The following IZUMO1R variants were observed in gnomAD, a reference collection of about 807,000 sequenced individuals.
IZUMO1R encodes the protein sperm-egg fusion protein Juno.
A neutral mutation model predicts 22.1 loss-of-function variants in IZUMO1R; 24 were observed. That is an observed-to-expected ratio of 1.09 (90% CI 0.79 to 1.53). IZUMO1R has a LOEUF of 1.53. Ranked by LOEUF, IZUMO1R falls within the 40% of genes most tolerant of loss-of-function variation. The pLI is 0.00. For missense variants in IZUMO1R, 308 were observed against 314.9 expected, an observed-to-expected ratio of 0.98 and a Z score of 0.17; for synonymous variants, 133 against 121.2, an observed-to-expected ratio of 1.10 and a Z score of -0.64.
rs1001415843 is a variant in IZUMO1R, at chr11:94,305,841, C to T, written c.138+67C>T. ...GAAGGGACACAAATGCCAAGATGGT[C>T]TCCGAACCTCATCAACCCTGATCAT... On this transcript the variant is annotated intron_variant, in intron 2 of 4. Coordinates refer to ENST00000687084, the MANE Select transcript of IZUMO1R (RefSeq NM_001199206.4). 7.7e-6 allele frequency: 12 copies of T among 1,552,372 alleles called. No individual in the cohort carries two copies. In the African/African-American group the frequency reaches 1.1e-4, roughly 14 times the overall value.
chr11:94,305,236 G>A (rs1254435426), intron 1 of IZUMO1R, among the ~76,000 whole-genome samples: 1 of 152,110 alleles, frequency 6.6e-6, no homozygotes, highest in Non-Finnish European at 1.5e-5. Context: ...GGGCCCCTCT[G>A]CCTTTTGCTT....
intron 2 of IZUMO1R, 104 bp from the exon 3 acceptor site, chr11:94,306,409 C>T (rs1944019290): frequency 9.3e-7 from 1 of 1,076,628 alleles, no homozygotes; most frequent in Non-Finnish European, 1.4e-6. Context: ...CCCACTTGCT[C>T]AGGCCTCCTA....
chr11:94,307,457 T>C lies in IZUMO1R; in HGVS notation c.518T>C (p.Leu173Pro). The C allele has an allele frequency of 1.2e-6, 2 of 1,613,912 alleles. No individual in the cohort carries two copies. Among genetic ancestry groups the C allele is most frequent in the Non-Finnish European group, 1.7e-6 (2 of 1,179,882 alleles). Residue 173 changes from leucine (L) to proline (P), a missense_variant, in exon 5 of 5, where the codon CTC becomes CCC. By Grantham distance (98) the Leu-to-Pro change is moderately conservative (BLOSUM62 -3). Coordinates refer to ENST00000687084, the MANE Select transcript of IZUMO1R (RefSeq NM_001199206.4). The stretch of plus-strand genomic sequence containing the variant: ...CGCTGCCCCAAAGGGGCCCAGTGCC[T>C]CCCTTTCTCCCATTACTTCCCCACC... ...KNRCPKGAQCLPFSHYFPTPA... is the reference protein window; with the variant it reads ...KNRCPKGAQCPPFSHYFPTPA...
intron 2 of IZUMO1R, among the ~76,000 whole-genome samples, 152 bp from the exon 3 acceptor site, chr11:94,306,361 G>C (rs1262425783): frequency 1.3e-5 from 2 of 152,244 alleles, no homozygotes; most frequent in South Asian, 4.1e-4. Flanking sequence ...GAGATTATCA[G>C]GGTTCCTCTT....
chr11:94,307,690 T>C lies in IZUMO1R; in HGVS notation c.751T>C (p.Ter251ArgextTer31). ...VCSLFLPFLS* is the reference protein window; with the variant it reads ...VCSLFLPFLSR Reference sequence around the variant, plus strand: ...CTCCCTGTTCCTGCCGTTCCTTTCCTGAGAGCCCTTCTTCTCCCACTCACA... The same window carrying C: ...CTCCCTGTTCCTGCCGTTCCTTTCCCGAGAGCCCTTCTTCTCCCACTCACA... The change falls in exon 5 of 5, where the codon TGA (stop) becomes CGA (arginine). Residue 251 changes from the stop codon to arginine (R), a stop_lost. Coordinates refer to ENST00000687084, the MANE Select transcript of IZUMO1R (RefSeq NM_001199206.4). The C allele has an allele frequency of 1.2e-6, 2 of 1,611,216 alleles. No individual in the cohort carries two copies. Among genetic ancestry groups the C allele is most frequent in the Non-Finnish European group, 1.7e-6 (2 of 1,177,674 alleles).
chr11:94,305,678 C>A lies in IZUMO1R; in HGVS notation c.42C>A (p.Val14=), dbSNP rs1944009605. The A allele has an allele frequency of 6.2e-7, 1 of 1,613,328 alleles. No homozygotes were observed. The highest frequency in any genetic ancestry group is 1.1e-5 in the South Asian group (1 of 90,970). ...CGCTCCTGCTAGAGCTGTGGACAGT[C>A]ATGCCCACCTGGGCTGGGGACGAGC... is the stretch of plus-strand genomic sequence containing the variant. ...WWPLLLELWT[V]MPTWAGDELL... The change falls in exon 2 of 5, where the codon GTC becomes GTA. Residue 14 remains valine, a synonymous_variant. Transcript: ENST00000687084.
intron 1 of IZUMO1R, 154 bp from the exon 2 acceptor site, chr11:94,305,477 T>C (rs1944005280): frequency 1.2e-6 from 1 of 834,112 alleles, no homozygotes; most frequent in South Asian, 1.7e-5. Context: ...CATTCTGTGA[T>C]GCTGCCTCCA....
chr11:94,308,116 G>A lies in IZUMO1R; in HGVS notation c.*424G>A, dbSNP rs561837366. On this transcript the variant is annotated 3_prime_UTR_variant, in exon 5 of 5. Transcript: ENST00000687084. Reference sequence around the variant, plus strand: ...CAGACCTGGCCTCCCATCCTCCGACGGTGTCTTCAATAAATCGGCACTCAA... The same window carrying A: ...CAGACCTGGCCTCCCATCCTCCGACAGTGTCTTCAATAAATCGGCACTCAA... Among the ~76,000 whole-genome samples, 2 of 151,870 alleles carry A rather than the reference G, an allele frequency of 1.3e-5. No homozygotes were observed. The highest frequency in any genetic ancestry group is 2.0e-4 in the East Asian group (1 of 5,040).
In IZUMO1R at chr11:94,307,617, C is replaced by T. The variant is rs367878279; in HGVS notation, c.678C>T (p.Phe226=). The T allele has an allele frequency of 1.9e-5, 30 of 1,613,766 alleles. No homozygotes were observed. The highest frequency in any genetic ancestry group is 9.9e-5 in the South Asian group (9 of 91,094). ...GNPNVAVARL[F]ASSAPSWELS... ...CCAATGTGGCCGTGGCCCGCCTCTT[C>T]GCCAGCTCTGCCCCATCCTGGGAAC... Residue 226 remains phenylalanine (F), a synonymous_variant, in exon 5 of 5, where the codon TTC becomes TTT. Transcript: ENST00000687084.
At position 94,304,581 on chromosome 11, in the gene IZUMO1R, C is replaced by T. The variant is rs1943996217; in HGVS notation, c.-305C>T. 6.6e-6 allele frequency among the ~76,000 whole-genome samples: 1 copy of T among 152,142 alleles called. No individual in the cohort carries two copies. The highest frequency in any genetic ancestry group is 1.5e-5 in the Non-Finnish European group (1 of 68,032). ...AGAATTTGAGTCATTTTCTCCAGGGCAGCCAGCTAGTAAGTAGCAGAGCTG... is the reference window on the plus strand; with the variant it reads ...AGAATTTGAGTCATTTTCTCCAGGGTAGCCAGCTAGTAAGTAGCAGAGCTG... On this transcript the variant is annotated 5_prime_UTR_variant, in exon 1 of 5. Transcript: ENST00000687084.
chr11:94,307,446 G>T lies in IZUMO1R; in HGVS notation c.507G>T (p.Gly169=). The T allele has an allele frequency of 6.2e-7, 1 of 1,613,802 alleles. No individual in the cohort carries two copies. Among genetic ancestry groups the T allele is most frequent in the Non-Finnish European group, 8.5e-7 (1 of 1,179,864 alleles). Residue 169 remains glycine (G), a synonymous_variant, in exon 5 of 5, where the codon GGG becomes GGT. Transcript: ENST00000687084. The part of the protein sequence containing the change: ...WSQGKNRCPK[G]AQCLPFSHYF... ...CAGGGAAGAACCGCTGCCCCAAAGG[G>T]GCCCAGTGCCTCCCTTTCTCCCATT... is the stretch of plus-strand genomic sequence containing the variant.
At chr11:94,306,780 C>T (rs146380776) in intron 3 of IZUMO1R, 58 bp downstream of exon 3, 12 of 1,521,056 alleles carry the variant, frequency 7.9e-6, no homozygotes, top group African/African-American at 5.5e-5. Flanking sequence ...AGCTTTCACC[C>T]GATCTTATGC....
At chr11:94,306,047 G>A (rs1944015507) in intron 2 of IZUMO1R, among the ~76,000 whole-genome samples, 1 of 151,794 alleles carries the variant, frequency 6.6e-6, no homozygotes, top group South Asian at 2.1e-4. Flanking sequence ...ATGAAAACAA[G>A]CCTTCCTGCC....
At position 94,305,750 on chromosome 11, in the gene IZUMO1R, C is replaced by A; in HGVS notation, c.114C>A (p.Ser38Arg). 6.2e-7 allele frequency: 1 copy of A among 1,613,068 alleles called. No homozygotes were observed. The highest frequency in any genetic ancestry group is 8.5e-7 in the Non-Finnish European group (1 of 1,179,646). The change falls in exon 2 of 5, where the codon AGC (serine) becomes AGA (arginine). Residue 38 changes from serine to arginine, a missense_variant. Transcript: ENST00000687084. Reference sequence around the variant, plus strand: ...CCAAACACCACAAGAGAGTGCCCAGCCCAGAAGACAAGCTCTATGAGGAGG... The same window carrying A: ...CCAAACACCACAAGAGAGTGCCCAGACCAGAAGACAAGCTCTATGAGGAGG... ...MNAKHHKRVP[S>R]PEDKLYEECI...
chr11:94,305,810 A>T (rs765450676), intron 2 of IZUMO1R, 36 bp downstream of exon 2: 7 of 1,607,468 alleles, frequency 4.4e-6, no homozygotes, highest in Non-Finnish European at 5.9e-6. Flanking sequence ...GATGGGGAAG[A>T]TCAGGGAAGG....
In IZUMO1R at chr11:94,307,353, A is replaced by C. The variant is rs1591572802; in HGVS notation, c.484+53A>C. On this transcript the variant is annotated intron_variant, in intron 4 of 4. Coordinates refer to ENST00000687084, the MANE Select transcript of IZUMO1R (RefSeq NM_001199206.4). The stretch of plus-strand genomic sequence containing the variant: ...GGGAAGAGGCCCCTTGGTGGTCCCC[A>C]CAAGGGTGCAGGTGCAAAGGCTAGC... 8.7e-6 allele frequency: 14 copies of C among 1,611,948 alleles called. No individual in the cohort carries two copies. In the East Asian group the frequency reaches 3.1e-4, roughly 36 times the overall value.
intron 1 of IZUMO1R, 95 bp from the exon 2 acceptor site, chr11:94,305,536 T>C (rs1944005959): frequency 2.1e-6 from 3 of 1,438,304 alleles, no homozygotes; most frequent in African/African-American, 2.8e-5. Context: ...TTGAGGGAGA[T>C]TGAAGCCCAT....
In IZUMO1R at chr11:94,306,660, T is replaced by C. The variant is rs1944024068; in HGVS notation, c.286T>C (p.Phe96Leu). The C allele has an allele frequency of 6.2e-7, 1 of 1,613,978 alleles. No homozygotes were observed. The highest frequency in any genetic ancestry group is 8.5e-7 in the Non-Finnish European group (1 of 1,179,872). Residue 96 changes from phenylalanine to leucine, a missense_variant, in exon 3 of 5, where the codon TTC (phenylalanine) becomes CTC (leucine). Phe to Leu is a conservative substitution (Grantham distance 22). Transcript: ENST00000687084. ...GAAGCACTTCATCCAGGCTATCTGC[T>C]TCTATGAGTGCTCCCCAAACCTGGG... is the stretch of plus-strand genomic sequence containing the variant. ...CRKHFIQAIC[F>L]YECSPNLGPW...
intron 4 of IZUMO1R, 47 bp downstream of exon 4, chr11:94,307,347 G>T: frequency 1.9e-6 from 3 of 1,612,128 alleles, no homozygotes; most frequent in Non-Finnish European, 2.5e-6. Context: ...CCCCTTGGTG[G>T]TCCCCACAAG....
Sources: allele counts gnomAD v4.1 joint callset (sites outside exome capture counted in the v4.1 genomes callset), GRCh38; gene constraint gnomAD v4.1.1; transcripts MANE v1.5; gene names NCBI Gene and HGNC (gene_info 2026-07-23, HGNC 2026-07-21).